The following RBMS3 variants were observed in gnomAD, a reference collection of about 807,000 sequenced individuals.
RBMS3 encodes RNA binding motif single stranded interacting protein 3, also known as RNA-binding motif, single-stranded-interacting protein 3.
RBMS3 carries 27 observed loss-of-function variants against 66.8 expected under a neutral mutation model. The observed-to-expected ratio is 0.40, with a 90% confidence interval of 0.30 to 0.56. RBMS3 has a LOEUF of 0.56. RBMS3 is among the 20% of genes least tolerant of loss of function. RBMS3 has a pLI of 0.40. For missense variants in RBMS3, 513 were observed against 549.5 expected, an observed-to-expected ratio of 0.93 and a Z score of 0.66; for synonymous variants, 188 against 183.0, an observed-to-expected ratio of 1.03 and a Z score of -0.22.
At chr3:29,640,211 A>G (rs1192508792) in intron 4 of RBMS3, among the ~76,000 whole-genome samples, 1 of 151,622 alleles carries the variant, frequency 6.6e-6, no homozygotes, top group Non-Finnish European at 1.5e-5. Context: ...AATCTAAAAT[A>G]TCTGGATAAT....
intron 1 of RBMS3, among the ~76,000 whole-genome samples, chr3:29,301,491 G>C (rs1302239026): frequency 6.6e-6 from 1 of 151,976 alleles, no homozygotes; most frequent in Non-Finnish European, 1.5e-5. Flanking sequence ...CCAGGTTTTA[G>C]TTTGACGCTT....
intron 2 of RBMS3, among the ~76,000 whole-genome samples, chr3:29,452,708 A>G (rs1023041789): frequency 6.6e-6 from 1 of 152,168 alleles, no homozygotes; most frequent in Non-Finnish European, 1.5e-5. Flanking sequence ...GCTTGATTTT[A>G]TGTAGGGGAC....
chr3:29,454,225 A>G (rs377113371), intron 2 of RBMS3, among the ~76,000 whole-genome samples: 20 of 152,172 alleles, frequency 1.3e-4, no homozygotes, highest in African/African-American at 4.8e-4. Flanking sequence ...AGTTTGCTGC[A>G]GCTGCTGATG....
chr3:29,541,221 A>G (rs2149011595), intron 3 of RBMS3, among the ~76,000 whole-genome samples: 1 of 152,260 alleles, frequency 6.6e-6, no homozygotes, highest in Non-Finnish European at 1.5e-5. Context: ...CGGAGCTCAG[A>G]CTTCTCCCCA....
intron 4 of RBMS3, among the ~76,000 whole-genome samples, chr3:29,649,250 T>C (rs2050056556): frequency 6.6e-6 from 1 of 152,200 alleles, no homozygotes; most frequent in Admixed American, 6.5e-5. Context: ...CTCCTTCTCA[T>C]CTGTGCCCAT....
intron 5 of RBMS3, among the ~76,000 whole-genome samples, chr3:29,749,242 A>C (rs1298732348): frequency 6.6e-6 from 1 of 152,226 alleles, no homozygotes; most frequent in African/African-American, 2.4e-5. Flanking sequence ...TTAGTCTAAA[A>C]TATAGGAAAA....
At chr3:29,289,867 A>C (rs575464015) in intron 1 of RBMS3, among the ~76,000 whole-genome samples, 1 of 152,012 alleles carries the variant, frequency 6.6e-6, no homozygotes, top group East Asian at 1.9e-4. Flanking sequence ...TGCTAGATGC[A>C]AATGATCTTC....
chr3:29,719,799 T>C (rs528087457), intron 4 of RBMS3, among the ~76,000 whole-genome samples: 2 of 152,284 alleles, frequency 1.3e-5, no homozygotes, highest in South Asian at 4.1e-4. Flanking sequence ...GCAAAACAGA[T>C]TTCTTAATCC....
chr3:29,284,815 G>A (rs9821102), intron 1 of RBMS3, among the ~76,000 whole-genome samples: 7 of 145,132 alleles, frequency 4.8e-5, no homozygotes, highest in South Asian at 2.2e-4. Flanking sequence ...CACACCTCAC[G>A]TCTTTAAAAA....
intron 1 of RBMS3, among the ~76,000 whole-genome samples, chr3:29,378,244 G>T (rs963451697): frequency 2.0e-5 from 3 of 152,102 alleles, no homozygotes; most frequent in African/African-American, 7.2e-5. Flanking sequence ...AGGCCCAGGA[G>T]GGTGGATCAC....
chr3:29,935,730 A>G (rs543630366), intron 10 of RBMS3, among the ~76,000 whole-genome samples: 1 of 152,232 alleles, frequency 6.6e-6, no homozygotes, highest in Non-Finnish European at 1.5e-5. Flanking sequence ...AAATTAGAGA[A>G]TTTCCACTAA....
At chr3:29,884,470 C>CTCTCT (rs1491200120) in intron 8 of RBMS3, among the ~76,000 whole-genome samples, 42 of 70,524 alleles carry the variant, frequency 6.0e-4, no homozygotes, top group Admixed American at 1.6e-3. Context: ...CTCTCTCTCT[C>CTCTCT]CCCCCCCGCT....
At chr3:29,332,217 A>G (rs1575561037) in intron 1 of RBMS3, among the ~76,000 whole-genome samples, 1 of 152,078 alleles carries the variant, frequency 6.6e-6, no homozygotes, top group Admixed American at 6.6e-5. Context: ...TCTATCCCCA[A>G]TCCAGTGAAT....
intron 6 of RBMS3, among the ~76,000 whole-genome samples, chr3:29,813,588 G>A (rs1458823377): frequency 1.3e-5 from 2 of 152,020 alleles, no homozygotes; most frequent in South Asian, 2.1e-4. Context: ...CCATTTTCAC[G>A]ATATTGATTC....
At chr3:29,297,147 G>A (rs1057292209) in intron 1 of RBMS3, among the ~76,000 whole-genome samples, 1 of 151,542 alleles carries the variant, frequency 6.6e-6, no homozygotes, top group Non-Finnish European at 1.5e-5. Context: ...GCTTTAATAC[G>A]ATTTCCCCAG....
At chr3:29,724,920 G>T (rs995712215) in intron 4 of RBMS3, among the ~76,000 whole-genome samples, 2 of 152,178 alleles carry the variant, frequency 1.3e-5, no homozygotes, top group African/African-American at 4.8e-5. Context: ...CAGAGATCAT[G>T]TCCTATTACA....
intron 3 of RBMS3, among the ~76,000 whole-genome samples, chr3:29,536,288 TTGTA>T (rs2045554384): frequency 6.6e-6 from 1 of 152,316 alleles, no homozygotes; most frequent in Middle Eastern, 3.4e-3. Flanking sequence ...GGAAAAATTT[TTGTA>T]TGTGCATGTG....
Position 29,425,460 on chromosome 3 carries a change from C to T in RBMS3, c.76-9283C>T, listed in dbSNP as rs145296625. 9.3e-3 allele frequency among the ~76,000 whole-genome samples: 1,393 copies of T among 149,998 alleles called. 26 individuals are homozygous for T. The highest frequency in any genetic ancestry group is 0.031 in the African/African-American group (1,266 of 41,178). ...GAGTATTAGACTGTAGGAAAAACCC[C>T]GTCTCTACTAAAAATACAAAAAAAA... On this transcript the variant is annotated intron_variant, in intron 1 of 14. Transcript: ENST00000383767.
chr3:29,666,469 T>C (rs150223153), intron 4 of RBMS3, among the ~76,000 whole-genome samples: 133 of 152,304 alleles, frequency 8.7e-4, no homozygotes, highest in African/African-American at 3.2e-3. Flanking sequence ...TCTTATATTT[T>C]CACAGGGCTT....
Sources: gnomAD v4.1 joint callset for allele counts (sites outside exome capture counted in the v4.1 genomes callset) on GRCh38, gnomAD v4.1.1 for gene constraint, MANE v1.5 for transcripts, NCBI Gene and HGNC (gene_info 2026-07-23, HGNC 2026-07-21) for gene names.